Variants in DPP10 observed in about 807,000 individuals in gnomAD.
The protein encoded by DPP10 is dipeptidyl peptidase like 10, also known as inactive dipeptidyl peptidase 10.
DPP10 carries 33 observed loss-of-function variants against 120.9 expected under a neutral mutation model. That is an observed-to-expected ratio of 0.27 (90% CI 0.21 to 0.37). The LOEUF is 0.37. Among genes scored for constraint, DPP10 ranks in the 10% least tolerant of loss-of-function variants. DPP10 has a pLI of 1.00. For missense variants in DPP10, 816 were observed against 942.8 expected (o/e 0.87, Z 1.76); for synonymous variants, 337 against 326.1 (o/e 1.03, Z -0.36).
intron 1 of DPP10, among the ~76,000 whole-genome samples, chr2:114,543,038 T>G (rs969453331): frequency 1.3e-5 from 2 of 152,148 alleles, no homozygotes; most frequent in African/African-American, 4.8e-5. Context: ...TTAAATTACG[T>G]TTTCACCACA....
At chr2:115,723,916 T>G (rs1054630697) in intron 7 of DPP10, among the ~76,000 whole-genome samples, 10 of 152,216 alleles carry the variant, frequency 6.6e-5, no homozygotes, top group Admixed American at 6.5e-4. Context: ...TTATAATGCA[T>G]GGAGATTTTT....
chr2:114,508,505 G>C (rs1683867305), intron 1 of DPP10, among the ~76,000 whole-genome samples: 1 of 152,104 alleles, frequency 6.6e-6, no homozygotes, highest in South Asian at 2.1e-4. Flanking sequence ...ATAGACATTT[G>C]GGTTGTTTTA....
intron 1 of DPP10, among the ~76,000 whole-genome samples, chr2:115,032,368 C>A (rs995607923): frequency 6.6e-6 from 1 of 152,042 alleles, no homozygotes; most frequent in Non-Finnish European, 1.5e-5. Context: ...AATCATAATT[C>A]TCTTAAGACT....
chr2:115,141,406 G>A (rs2050920643), intron 1 of DPP10, among the ~76,000 whole-genome samples: 1 of 152,124 alleles, frequency 6.6e-6, no homozygotes, highest in Admixed American at 6.6e-5. Context: ...ACACATTTTC[G>A]ATGTGGAAAC....
At chr2:114,952,821 A>G (rs1288945070) in intron 1 of DPP10, among the ~76,000 whole-genome samples, 1 of 152,214 alleles carries the variant, frequency 6.6e-6, no homozygotes, top group Non-Finnish European at 1.5e-5. Flanking sequence ...GGACATGCCT[A>G]GAGTTCTTTA....
chr2:115,384,843 A>G (rs1036763235), intron 3 of DPP10, among the ~76,000 whole-genome samples: 3 of 152,124 alleles, frequency 2.0e-5, no homozygotes, highest in African/African-American at 7.2e-5. Context: ...CTCCACCCAA[A>G]TCTCATCTTG....
intron 5 of DPP10, among the ~76,000 whole-genome samples, chr2:115,531,677 TATAAC>T (rs1295583895): frequency 1.3e-5 from 2 of 152,080 alleles, no homozygotes; most frequent in Non-Finnish European, 2.9e-5. Flanking sequence ...TGTATTGAAA[TATAAC>T]ATACCTATAG....
chr2:115,156,980 C>A (rs2051958337), intron 1 of DPP10, among the ~76,000 whole-genome samples: 1 of 151,818 alleles, frequency 6.6e-6, no homozygotes, highest in Non-Finnish European at 1.5e-5. Context: ...CCGACATAAC[C>A]AATTCATTAA....
At chr2:115,046,430 A>G (rs544910607) in intron 1 of DPP10, among the ~76,000 whole-genome samples, 1 of 152,202 alleles carries the variant, frequency 6.6e-6, no homozygotes, top group African/African-American at 2.4e-5. Context: ...TAAGAAGCAT[A>G]GTGTGATTCT....
At chr2:115,333,658 G>T (rs890010328) in intron 2 of DPP10, among the ~76,000 whole-genome samples, 9 of 151,958 alleles carry the variant, frequency 5.9e-5, no homozygotes, top group Non-Finnish European at 1.2e-4. Context: ...GTCTGTAAAG[G>T]ATTTTATTTC....
chr2:115,622,245 C>T (rs1314926640), intron 5 of DPP10, among the ~76,000 whole-genome samples: 1 of 152,080 alleles, frequency 6.6e-6, no homozygotes, highest in African/African-American at 2.4e-5. Flanking sequence ...ATATATTTGC[C>T]TCTTTGGAAC....
Position 114,597,156 on chromosome 2 carries a change from A to G in DPP10, c.60+154318A>G, listed in dbSNP as rs368677960. ...GGCCAGGCAGAAAAGAGTAAAGACA[A>G]TGGCATTCCAGCAAAAGAGAGAGGC... On this transcript the variant is annotated intron_variant, in intron 1 of 25. Transcript: ENST00000410059. Among the ~76,000 whole-genome samples, 5 of 152,166 alleles carry G rather than the reference A, an allele frequency of 3.3e-5. No homozygotes were observed. In the East Asian group the frequency reaches 7.7e-4, roughly 24 times the overall value.
chr2:115,667,518 G>C (rs752265092), intron 5 of DPP10, among the ~76,000 whole-genome samples: 1 of 152,004 alleles, frequency 6.6e-6, no homozygotes, highest in Non-Finnish European at 1.5e-5. Context: ...GTTGGTTTTT[G>C]TATGTGGTAA....
At chr2:115,363,904 A>C (rs1225151330) in intron 3 of DPP10, among the ~76,000 whole-genome samples, 1 of 152,068 alleles carries the variant, frequency 6.6e-6, no homozygotes, top group Non-Finnish European at 1.5e-5. Flanking sequence ...CTCATGAATT[A>C]TTTTCATTGC....
chr2:115,458,929 A>C (rs538579051), intron 3 of DPP10, among the ~76,000 whole-genome samples: 15 of 152,304 alleles, frequency 9.8e-5, no homozygotes, highest in African/African-American at 3.6e-4. Context: ...ATCACAAGGA[A>C]TATTAACCTA....
At chr2:114,518,131 T>C (rs1573546678) in intron 1 of DPP10, among the ~76,000 whole-genome samples, 1 of 137,938 alleles carries the variant, frequency 7.2e-6, no homozygotes, top group African/African-American at 2.7e-5. Flanking sequence ...CAGGCTGGAA[T>C]GCAGTGGCCA....
intron 1 of DPP10, among the ~76,000 whole-genome samples, chr2:115,025,680 T>G (rs928191186): frequency 4.6e-5 from 7 of 152,212 alleles, no homozygotes; most frequent in African/African-American, 1.7e-4. Flanking sequence ...ACTTCCAGTC[T>G]TTTTCATAAA....
At chr2:115,205,195 G>A (rs1337492738) in intron 1 of DPP10, among the ~76,000 whole-genome samples, 2 of 152,124 alleles carry the variant, frequency 1.3e-5, no homozygotes, top group African/African-American at 4.8e-5. Context: ...GTATTTCCTA[G>A]ATTTTCTTCT....
chr2:115,590,231 A>T (rs1056029356), intron 5 of DPP10, among the ~76,000 whole-genome samples: 2 of 150,512 alleles, frequency 1.3e-5, no homozygotes, highest in Middle Eastern at 6.9e-3. Context: ...GGTTAGTTAC[A>T]TATGTATACA....
Sources: allele counts gnomAD v4.1 joint callset (sites outside exome capture counted in the v4.1 genomes callset), GRCh38; gene constraint gnomAD v4.1.1; transcripts MANE v1.5; gene names NCBI Gene and HGNC (gene_info 2026-07-23, HGNC 2026-07-21).